PDZD2: variants seen among roughly 807,000 people sequenced by gnomAD.
The protein encoded by PDZD2 is PDZ domain-containing protein 2.
PDZD2 carries 90 observed loss-of-function variants against 220.7 expected under a neutral mutation model. The ratio of observed to expected loss-of-function variants is 0.41; its 90% CI spans 0.34 to 0.49. PDZD2 has a LOEUF of 0.49. PDZD2 is among the 20% of genes least tolerant of loss of function. The pLI, the probability that PDZD2 is intolerant of heterozygous loss-of-function variation, is 0.28. For missense variants in PDZD2, 3,174 were observed against 3,608.5 expected (o/e 0.88, Z 3.08); for synonymous variants, 1,375 against 1,450.5 (o/e 0.95, Z 1.18).
chr5:31,797,307 C>T (rs1754106337), intron 1 of PDZD2, among the ~76,000 whole-genome samples: 1 of 151,706 alleles, frequency 6.6e-6, no homozygotes, highest in Non-Finnish European at 1.5e-5. Flanking sequence ...GAATCACAGG[C>T]TGTTAAAATT....
At chr5:31,885,906 G>T (rs1490863725) in intron 2 of PDZD2, among the ~76,000 whole-genome samples, 6 of 144,980 alleles carry the variant, frequency 4.1e-5, no homozygotes, top group Admixed American at 2.8e-4. Flanking sequence ...TGTTGTTTTT[G>T]AGTTAGTTTT....
chr5:31,904,988 A>G (rs1210124485), intron 2 of PDZD2, among the ~76,000 whole-genome samples: 1 of 151,652 alleles, frequency 6.6e-6, no homozygotes, highest in African/African-American at 2.4e-5. Flanking sequence ...TGCTTTTTGG[A>G]GACAGAGTCT....
At chr5:31,675,536 A>G (rs1259129957) in intron 1 of PDZD2, among the ~76,000 whole-genome samples, 1 of 152,214 alleles carries the variant, frequency 6.6e-6, no homozygotes, top group African/African-American at 2.4e-5. Context: ...AGCACTTTGC[A>G]TGGAATAGAA....
intron 10 of PDZD2, among the ~76,000 whole-genome samples, chr5:32,054,312 C>CTTTTTTTTTTTTTTTTTTT (rs57135705): frequency 1.4e-5 from 1 of 69,332 alleles, no homozygotes; most frequent in African/African-American, 5.4e-5. Flanking sequence ...AAATGAACAT[C>CTTTTTTTTTTTTTTTTTTT]TTTTTTTTTT....
Position 31,991,939 on chromosome 5 carries a change from A to C in PDZD2, c.979-3637A>C, listed in dbSNP as rs367742074. On this transcript the variant is annotated intron_variant, in intron 3 of 24. Coordinates refer to ENST00000438447, the MANE Select transcript of PDZD2 (RefSeq NM_178140.4). The stretch of plus-strand genomic sequence containing the variant: ...TCCCAGCTACTCGGGAGGCTGAGGC[A>C]GGAGAATCACTTGAACCCAGGAGGC... Among the ~76,000 whole-genome samples, 84 of 152,322 alleles carry C rather than the reference A, an allele frequency of 5.5e-4. 1 individual carries two copies. The East Asian group carries it at 0.016, about 29-fold the overall frequency.
intron 1 of PDZD2, among the ~76,000 whole-genome samples, chr5:31,743,645 G>A (rs1750401948): frequency 6.6e-6 from 1 of 152,090 alleles, no homozygotes; most frequent in African/African-American, 2.4e-5. Flanking sequence ...CAGGCCTATG[G>A]CATCCAGGTT....
Position 32,041,380 on chromosome 5 carries a change from A to G in PDZD2, c.1519+4038A>G, listed in dbSNP as rs1756133413. ...CCATCGAGAACGGGCCATGATGACG[A>G]TGGCAGTTTTGTCATCAAGAAAAGG... On this transcript the variant is annotated intron_variant, in intron 7 of 24. Transcript: ENST00000438447. 2.0e-5 allele frequency among the ~76,000 whole-genome samples: 3 copies of G among 152,102 alleles called. No individual in the cohort carries two copies. In the South Asian group the frequency reaches 6.2e-4, roughly 32 times the overall value.
intron 4 of PDZD2, among the ~76,000 whole-genome samples, chr5:31,996,210 G>C (rs370696796): frequency 1.3e-5 from 2 of 152,108 alleles, no homozygotes; most frequent in African/African-American, 2.4e-5. Context: ...TATCTCTGTC[G>C]TGCAGATGTG....
chr5:31,822,942 C>A, intron 2 of PDZD2: 1 of 1,033,356 alleles, frequency 9.7e-7, no homozygotes, highest in Non-Finnish European at 1.4e-6. Context: ...TGGCCAGCTC[C>A]TTTCTGTTAC....
chr5:31,878,479 G>C (rs1470164997), intron 2 of PDZD2, among the ~76,000 whole-genome samples: 1 of 150,890 alleles, frequency 6.6e-6, no homozygotes, highest in Non-Finnish European at 1.5e-5. Context: ...TGCTTAGAGG[G>C]ACCACAAATG....
At chr5:31,853,219 G>A (rs768682077) in intron 2 of PDZD2, among the ~76,000 whole-genome samples, 3 of 152,120 alleles carry the variant, frequency 2.0e-5, no homozygotes, top group Non-Finnish European at 4.4e-5. Flanking sequence ...AATACCCTTG[G>A]TTTTTTCTGA....
intron 2 of PDZD2, chr5:31,847,869 G>T: frequency 1.9e-6 from 1 of 514,232 alleles, no homozygotes. Flanking sequence ...CACATCACGT[G>T]TCAGAATGTT....
rs1745246954 is a variant in PDZD2, at chr5:32,110,177, A to ATAATT, written c.*2043_*2047dup. ...TCCACTCTTACAGCTGTGCCTAATA[A>ATAATT]TAATTAATTAATAAACGCACAGCCC... On this transcript the variant is annotated 3_prime_UTR_variant, in exon 25 of 25. Coordinates refer to ENST00000438447, the MANE Select transcript of PDZD2 (RefSeq NM_178140.4). 6.6e-6 allele frequency: 1 copy of ATAATT among 152,618 alleles called. No homozygotes were observed. Among genetic ancestry groups the ATAATT allele is most frequent in the African/African-American group, 2.4e-5 (1 of 41,420 alleles). 9.5% of individuals were successfully genotyped at this position (152,618 alleles called of 1,614,324 possible).
chr5:31,675,814 G>A (rs115901830), intron 1 of PDZD2, among the ~76,000 whole-genome samples: 6,456 of 152,076 alleles, frequency 0.042, 188 homozygotes, highest in East Asian at 0.078. Context: ...CTCCAACCTC[G>A]GCCTTGCAAG....
At chr5:31,691,780 G>C (rs1747145117) in intron 1 of PDZD2, among the ~76,000 whole-genome samples, 1 of 152,186 alleles carries the variant, frequency 6.6e-6, no homozygotes, top group Admixed American at 6.5e-5. Flanking sequence ...TACTAGATAG[G>C]GAATGTGGAT....
At position 31,732,234 on chromosome 5, in the gene PDZD2, A is replaced by T. The variant is rs141405927; in HGVS notation, c.-360-66655A>T. Among the ~76,000 whole-genome samples the T allele has an allele frequency of 3.1e-3, 473 of 152,270 alleles. 1 individual carries two copies. The highest frequency in any genetic ancestry group is 0.011 in the African/African-American group (444 of 41,564). On this transcript the variant is annotated intron_variant, in intron 1 of 24. Transcript: ENST00000438447. ...TTAAACCTGGAATCCATGGACTCTT[A>T]GGGCTTATCCACAGATGAGCTTCAG...
intron 2 of PDZD2, among the ~76,000 whole-genome samples, chr5:31,940,842 C>A (rs1746150329): frequency 1.3e-5 from 2 of 152,178 alleles, no homozygotes; most frequent in Non-Finnish European, 2.9e-5. Context: ...GCAGATGACT[C>A]CCAGTGAAGG....
At chr5:31,895,120 C>A (rs1304158523) in intron 2 of PDZD2, among the ~76,000 whole-genome samples, 2 of 152,180 alleles carry the variant, frequency 1.3e-5, no homozygotes, top group Admixed American at 1.3e-4. Flanking sequence ...AAACTCCTAA[C>A]CTCGTGATCT....
intron 2 of PDZD2, among the ~76,000 whole-genome samples, chr5:31,897,756 A>G (rs1252510807): frequency 7.7e-6 from 1 of 130,598 alleles, no homozygotes; most frequent in African/African-American, 3.0e-5. Flanking sequence ...TTTTTTTTTG[A>G]GACGGAGTCT....
Sources: gnomAD v4.1 joint callset for allele counts (sites outside exome capture counted in the v4.1 genomes callset) on GRCh38, gnomAD v4.1.1 for gene constraint, MANE v1.5 for transcripts, NCBI Gene and HGNC (gene_info 2026-07-23, HGNC 2026-07-21) for gene names.